Variants in SLC26A7 observed in about 807,000 individuals in gnomAD.
SLC26A7 encodes the protein anion exchange transporter.
In SLC26A7, 59 loss-of-function variants were observed where a neutral mutation model predicts 82.5. The ratio of observed to expected loss-of-function variants is 0.72; its 90% CI spans 0.58 to 0.89. The LOEUF is 0.89. SLC26A7 is among the 40% of genes least tolerant of loss of function. SLC26A7 has a pLI of 0.00. For synonymous variants in SLC26A7, 271 were observed against 274.3 expected, an observed-to-expected ratio of 0.99 and a Z score of 0.12; for missense variants, 820 against 793.0, an observed-to-expected ratio of 1.03 and a Z score of -0.41.
chr8:91,340,889 T>TA (rs1813390016), intron 8 of SLC26A7, among the ~76,000 whole-genome samples: 2 of 151,970 alleles, frequency 1.3e-5, no homozygotes, highest in African/African-American at 2.4e-5. Context: ...TTACTCTTAG[T>TA]AAAAAAACTA....
chr8:91,282,957 A>G (rs1811614632), intron 2 of SLC26A7, among the ~76,000 whole-genome samples: 1 of 152,088 alleles, frequency 6.6e-6, no homozygotes, highest in African/African-American at 2.4e-5. Flanking sequence ...CAGCATAAGC[A>G]TTTCTCCTTT....
intron 3 of SLC26A7, among the ~76,000 whole-genome samples, chr8:91,293,336 G>T (rs905019387): frequency 2.8e-4 from 43 of 152,304 alleles, no homozygotes; most frequent in African/African-American, 9.6e-4. Context: ...AGCAAATGAG[G>T]CAAAGATAGA....
chr8:91,367,439 C>A lies in SLC26A7; in HGVS notation c.1626+722C>A, dbSNP rs187948535. 5.3e-3 allele frequency among the ~76,000 whole-genome samples: 807 copies of A among 152,290 alleles called. 5 individuals carry two copies. The highest frequency in any genetic ancestry group is 8.4e-3 in the Non-Finnish European group (573 of 68,008). On this transcript the variant is annotated intron_variant, in intron 14 of 18. Transcript: ENST00000276609. Reference sequence around the variant, plus strand: ...AATTTTATTATAATGTTCCAGAATTCTTTATCTCCATTTATACTGTCAATT... The same window carrying A: ...AATTTTATTATAATGTTCCAGAATTATTTATCTCCATTTATACTGTCAATT...
intron 2 of SLC26A7, among the ~76,000 whole-genome samples, chr8:91,220,283 T>G (rs1039668927): frequency 1.3e-5 from 2 of 152,204 alleles, no homozygotes; most frequent in Non-Finnish European, 2.9e-5. Flanking sequence ...TATGTGTGCT[T>G]ATTTTGAGGG....
chr8:91,312,421 A>G (rs527942102), intron 4 of SLC26A7, among the ~76,000 whole-genome samples: 132 of 151,712 alleles, frequency 8.7e-4, no homozygotes, highest in Non-Finnish European at 1.6e-3. Flanking sequence ...CAGTGTAAAC[A>G]TATGTCTTTG....
Position 91,340,437 on chromosome 8 carries a change from C to T in SLC26A7, c.912C>T (p.Ile304=). The T allele has an allele frequency of 6.2e-7, 1 of 1,613,976 alleles. No individual in the cohort carries two copies. The highest frequency in any genetic ancestry group is 2.2e-5 in the East Asian group (1 of 44,872). ...IPSPRAPPMN[I]LSAVITEAFG... ...CACCTAGAGCTCCCCCGATGAACAT[C>T]CTCTCTGCGGTGATCACTGAAGCTT... Residue 304 remains isoleucine (I), a synonymous_variant, in exon 8 of 19, where the codon ATC becomes ATT. Coordinates refer to ENST00000276609, the MANE Select transcript of SLC26A7 (RefSeq NM_052832.4).
chr8:91,285,170 C>A (rs1215791978), intron 2 of SLC26A7, among the ~76,000 whole-genome samples: 1 of 152,242 alleles, frequency 6.6e-6, no homozygotes, highest in Non-Finnish European at 1.5e-5. Context: ...CTGGAAACAG[C>A]ACTTCAATCT....
chr8:91,351,075 CCTT>C (rs1337476618), intron 9 of SLC26A7, among the ~76,000 whole-genome samples: 4 of 152,176 alleles, frequency 2.6e-5, no homozygotes, highest in Admixed American at 1.3e-4. Context: ...CCTGTGAAAG[CCTT>C]CTTTTCTCTT....
At chr8:91,318,849 G>A (rs1187915009) in intron 5 of SLC26A7, among the ~76,000 whole-genome samples, 1 of 152,274 alleles carries the variant, frequency 6.6e-6, no homozygotes, top group East Asian at 1.9e-4. Context: ...AAGAAAGAGA[G>A]TAGCACCTGG....
At chr8:91,256,751 T>G (rs1170169631) in intron 2 of SLC26A7, among the ~76,000 whole-genome samples, 2 of 152,174 alleles carry the variant, frequency 1.3e-5, no homozygotes, top group Non-Finnish European at 2.9e-5. Flanking sequence ...ATGACACATT[T>G]GAGTGCTATT....
rs1810809277 is a variant in SLC26A7, at chr8:91,256,575, C to T, written c.193+6731C>T. Among the ~76,000 whole-genome samples the T allele has an allele frequency of 2.0e-5, 3 of 152,008 alleles. 1 individual carries two copies. The South Asian group carries it at 6.2e-4, about 32-fold the overall frequency. On this transcript the variant is annotated intron_variant, in intron 2 of 18. Coordinates refer to ENST00000276609, the MANE Select transcript of SLC26A7 (RefSeq NM_052832.4). ...AGAGATAATGTGCCTCTACAGTTTC[C>T]CAGGACCTCCACAGCCTGACAATGA...
chr8:91,301,001 T>C (rs886840969), intron 4 of SLC26A7, among the ~76,000 whole-genome samples: 2 of 152,200 alleles, frequency 1.3e-5, no homozygotes, highest in African/African-American at 4.8e-5. Flanking sequence ...ATAGAAATAA[T>C]CTTACTTTTA....
rs1302638220 is a variant in SLC26A7 at position 91,340,499 on chromosome 8, C to T, written c.974C>T (p.Ala325Val). ...CTTGTAGGCTATGTGGCCTCACTGG[C>T]TCTTGCTCAAGGATCTGCCAAAAAA... Reference protein sequence around the residue: ...VALVGYVASLALAQGSAKKFK... With the variant: ...VALVGYVASLVLAQGSAKKFK... Residue 325 changes from alanine (A) to valine (V), a missense_variant, in exon 8 of 19, where the codon GCT becomes GTT. Physicochemically the swap from Ala to Val is moderately conservative, Grantham distance 64. Coordinates refer to ENST00000276609, the MANE Select transcript of SLC26A7 (RefSeq NM_052832.4). 2.5e-5 allele frequency: 40 copies of T among 1,613,820 alleles called. No homozygotes were observed. Among genetic ancestry groups the T allele is most frequent in the Non-Finnish European group, 3.4e-5 (40 of 1,179,948 alleles).
chr8:91,348,953 C>G (rs1813640488), intron 9 of SLC26A7, among the ~76,000 whole-genome samples: 1 of 152,142 alleles, frequency 6.6e-6, no homozygotes, highest in Non-Finnish European at 1.5e-5. Flanking sequence ...AATTTGAGCT[C>G]TTTTTGAATT....
intron 13 of SLC26A7, among the ~76,000 whole-genome samples, chr8:91,364,887 A>T (rs922017771): frequency 6.6e-6 from 1 of 152,218 alleles, no homozygotes; most frequent in African/African-American, 2.4e-5. Context: ...TTTTAATTTT[A>T]CTATAATATT....
At chr8:91,341,208 A>G (rs370377367) in intron 8 of SLC26A7, among the ~76,000 whole-genome samples, 4 of 151,826 alleles carry the variant, frequency 2.6e-5, no homozygotes, top group Admixed American at 6.6e-5. Context: ...TCATTGTTCA[A>G]TTCCCACCTA....
intron 5 of SLC26A7, among the ~76,000 whole-genome samples, chr8:91,325,784 A>T (rs149962983): frequency 6.6e-6 from 1 of 152,290 alleles, no homozygotes; most frequent in African/African-American, 2.4e-5. Context: ...GGACTGAAAA[A>T]ATCATGAGAT....
intron 2 of SLC26A7, among the ~76,000 whole-genome samples, chr8:91,221,271 C>T (rs1225743162): frequency 1.3e-5 from 2 of 152,080 alleles, no homozygotes; most frequent in Non-Finnish European, 2.9e-5. Context: ...GGATATTAGA[C>T]CTTTGTCAGA....
At chr8:91,342,239 A>G (rs558853645) in intron 8 of SLC26A7, among the ~76,000 whole-genome samples, 25 of 152,240 alleles carry the variant, frequency 1.6e-4, no homozygotes, top group African/African-American at 6.0e-4. Context: ...CAGCTTCTTT[A>G]TCAAATGCTC....
Sources: gnomAD v4.1 joint callset for allele counts (sites outside exome capture counted in the v4.1 genomes callset) on GRCh38, gnomAD v4.1.1 for gene constraint, MANE v1.5 for transcripts, NCBI Gene and HGNC (gene_info 2026-07-23, HGNC 2026-07-21) for gene names.